WWOX: variants seen among roughly 807,000 people sequenced by gnomAD.
The protein encoded by WWOX is WW domain-containing oxidoreductase.
In WWOX, 69 loss-of-function variants were observed where a neutral mutation model predicts 46.2. That is an observed-to-expected ratio of 1.49 (90% confidence interval 1.23 to 1.82). WWOX has a LOEUF of 1.82. Among genes scored for constraint, WWOX ranks in the 40% most tolerant of loss-of-function variants. WWOX has a pLI of 0.00. For synonymous variants in WWOX, 359 were observed against 202.6 expected, an observed-to-expected ratio of 1.77 and a Z score of -6.56; for missense variants, 919 against 542.6, an observed-to-expected ratio of 1.69 and a Z score of -6.89.
At chr16:78,985,420 A>G in intron 8 of WWOX, among the ~76,000 whole-genome samples, 1 of 150,686 alleles carries the variant, frequency 6.6e-6, no homozygotes, top group Middle Eastern at 3.5e-3. Context: ...GAATCACTTC[A>G]CATCTCTGGC....
intron 8 of WWOX, among the ~76,000 whole-genome samples, chr16:78,787,523 T>C (rs1222738021): frequency 2.0e-5 from 3 of 152,230 alleles, no homozygotes; most frequent in Admixed American, 6.5e-5. Flanking sequence ...TTGAGTGATA[T>C]TCTGTTACAT....
intron 8 of WWOX, among the ~76,000 whole-genome samples, chr16:78,564,373 C>T (rs1271938857): frequency 6.6e-6 from 1 of 152,156 alleles, no homozygotes; most frequent in African/African-American, 2.4e-5. Flanking sequence ...AGTGAACCCT[C>T]GCTGATGCCC....
At chr16:78,652,333 C>A (rs886194780) in intron 8 of WWOX, among the ~76,000 whole-genome samples, 1 of 144,584 alleles carries the variant, frequency 6.9e-6, no homozygotes, top group Non-Finnish European at 1.5e-5. Flanking sequence ...CACTTGAACC[C>A]GGGAGGTGGA....
rs116017750 is a variant in WWOX at position 78,946,841 on chromosome 16, G to A, written c.1057-264767G>A. ...ACTGCGGTAGCAAGGACAAGAGGGC[G>A]TCACGGTGTAAGAATGGCCGTGGCA... On this transcript the variant is annotated intron_variant, in intron 8 of 8. Transcript: ENST00000566780. Among the ~76,000 whole-genome samples, 403 of 152,218 alleles carry A rather than the reference G, an allele frequency of 2.6e-3. 3 individuals carry two copies. The highest frequency in any genetic ancestry group is 9.0e-3 in the African/African-American group (375 of 41,534).
chr16:78,548,903 TG>T (rs1437354286), intron 8 of WWOX, among the ~76,000 whole-genome samples: 1 of 152,138 alleles, frequency 6.6e-6, no homozygotes, highest in Non-Finnish European at 1.5e-5. Context: ...ACCTAGTTTT[TG>T]TAAAGAAGGT....
chr16:78,370,277 G>T (rs2081641827), intron 5 of WWOX, among the ~76,000 whole-genome samples: 1 of 152,048 alleles, frequency 6.6e-6, no homozygotes, highest in African/African-American at 2.4e-5. Context: ...TTAGCAAGAT[G>T]GGATGATATT....
At chr16:78,826,983 C>T (rs1405882817) in intron 8 of WWOX, among the ~76,000 whole-genome samples, 2 of 152,180 alleles carry the variant, frequency 1.3e-5, no homozygotes, top group Admixed American at 6.5e-5. Flanking sequence ...TGAGGACTAA[C>T]CAGCCGGGTT....
chr16:78,432,631 C>A lies in WWOX; in HGVS notation c.935C>A (p.Ser312Tyr), dbSNP rs79399971. ...LFSNELHRRL[S>Y]PRGVTSNAVH... ...TCCAACGAGCTGCACCGTCGCCTCT[C>A]CCCACGCGGGGTCACGTCGAACGCA... Residue 312 changes from serine to tyrosine, a missense_variant, in exon 8 of 9, where the codon TCC becomes TAC. By Grantham distance (144) the Ser-to-Tyr change is moderately radical. Transcript: ENST00000566780. 8.7e-5 allele frequency: 141 copies of A among 1,614,218 alleles called. No individual in the cohort carries two copies. In the African/African-American group the frequency reaches 1.8e-3, roughly 21 times the overall value.
intron 8 of WWOX, among the ~76,000 whole-genome samples, chr16:78,433,190 G>C (rs531545216): frequency 6.6e-6 from 1 of 152,148 alleles, no homozygotes; most frequent in African/African-American, 2.4e-5. Context: ...CAGAAAAACT[G>C]TATCTTTTGT....
rs567482988 is a variant in WWOX at position 78,159,997 on chromosome 16, G to GT, written c.410-4180dup. 1.1e-4 allele frequency among the ~76,000 whole-genome samples: 16 copies of GT among 151,768 alleles called. No individual in the cohort carries two copies. The South Asian group carries it at 3.3e-3, about 32-fold the overall frequency. ...TGCTAGCCCTTTATCAATTTTATTA[G>GT]TTTTTTCAATTGACAGACTTTTAGC... On this transcript the variant is annotated intron_variant, in intron 4 of 8. Coordinates refer to ENST00000566780, the MANE Select transcript of WWOX (RefSeq NM_016373.4).
intron 5 of WWOX, among the ~76,000 whole-genome samples, chr16:78,370,082 A>G (rs1236493008): frequency 7.0e-6 from 1 of 143,792 alleles, no homozygotes; most frequent in African/African-American, 2.6e-5. Context: ...CAGCCAGCCA[A>G]GATCACACCA....
Position 78,506,100 on chromosome 16 carries a change from G to C in WWOX, c.1056+73348G>C, listed in dbSNP as rs560623571. Among the ~76,000 whole-genome samples, 11 of 152,238 alleles carry C rather than the reference G, an allele frequency of 7.2e-5. No individual in the cohort carries two copies. In the East Asian group the frequency reaches 2.1e-3, roughly 30 times the overall value. ...AGAGCTCCTCGCTTGGCCAGCAGGG[G>C]CTGCCTGGAGAAGGGGAGGACAGGC... is the stretch of plus-strand genomic sequence containing the variant. On this transcript the variant is annotated intron_variant, in intron 8 of 8. Coordinates refer to ENST00000566780, the MANE Select transcript of WWOX (RefSeq NM_016373.4).
chr16:78,311,761 G>T (rs755464590), intron 5 of WWOX, among the ~76,000 whole-genome samples: 1 of 142,284 alleles, frequency 7.0e-6, no homozygotes, highest in Non-Finnish European at 1.5e-5. Context: ...ATTACTTAAC[G>T]TAATAATTAT....
intron 8 of WWOX, among the ~76,000 whole-genome samples, chr16:79,209,178 A>G (rs2051625592): frequency 6.6e-6 from 1 of 152,224 alleles, no homozygotes; most frequent in Non-Finnish European, 1.5e-5. Context: ...TCAGCATTGT[A>G]GCCAAATGTA....
In WWOX at chr16:78,350,623, C is replaced by T. The variant is rs2081166915; in HGVS notation, c.517-36237C>T. 4.1e-5 allele frequency among the ~76,000 whole-genome samples: 5 copies of T among 121,416 alleles called. 2 individuals are homozygous for T. The South Asian group carries it at 1.2e-3, about 30-fold the overall frequency. The allele number at this position is 121,416 out of a possible 152,430, so 79.7% of individuals were successfully genotyped here. On this transcript the variant is annotated intron_variant, in intron 5 of 8. Transcript: ENST00000566780. ...TTTTCAAGGGTCATTCATGTTGTAGCATGTATCAGTACTTCTTTTTTTAGG... is the reference window on the plus strand; with the variant it reads ...TTTTCAAGGGTCATTCATGTTGTAGTATGTATCAGTACTTCTTTTTTTAGG...
chr16:78,174,998 GTAATAATAATAATAA>G (rs368742234), intron 5 of WWOX, among the ~76,000 whole-genome samples: 5 of 140,880 alleles, frequency 3.5e-5, no homozygotes, highest in African/African-American at 1.3e-4. Flanking sequence ...AAAAATAATA[GTAATAATAATAATAA>G]TAATAATAAT....
intron 8 of WWOX, among the ~76,000 whole-genome samples, chr16:78,640,994 A>G (rs1181168143): frequency 1.8e-4 from 28 of 151,856 alleles, no homozygotes; most frequent in Admixed American, 1.8e-3. Flanking sequence ...AGGAAGGAAA[A>G]GGGAAGGGAA....
chr16:78,470,149 C>G (rs1597130311), intron 8 of WWOX, among the ~76,000 whole-genome samples: 1 of 152,212 alleles, frequency 6.6e-6, no homozygotes, highest in East Asian at 1.9e-4. Flanking sequence ...CCGTCTGACA[C>G]ATGTGGCTTC....
intron 8 of WWOX, among the ~76,000 whole-genome samples, chr16:78,867,340 A>T (rs553790744): frequency 1.3e-5 from 2 of 152,250 alleles, no homozygotes; most frequent in South Asian, 2.1e-4. Context: ...ATTTATCAAT[A>T]TACTTTTTGT....
Sources: gnomAD v4.1 joint callset for allele counts (sites outside exome capture counted in the v4.1 genomes callset) on GRCh38, gnomAD v4.1.1 for gene constraint, MANE v1.5 for transcripts, NCBI Gene and HGNC (gene_info 2026-07-23, HGNC 2026-07-21) for gene names.